EVL: variants seen among roughly 807,000 people sequenced by gnomAD.
EVL encodes the protein ena/VASP-like protein.
Under a neutral mutation model 59.6 loss-of-function variants are expected in EVL, and 21 were observed. That is an observed-to-expected ratio of 0.35 (90% CI 0.25 to 0.51). The LOEUF is 0.51. Among genes scored for constraint, EVL ranks in the 20% least tolerant of loss-of-function variants. The probability of loss-of-function intolerance (pLI) is 0.97; values close to 1 mark genes in which losing one functional copy is unlikely to be tolerated. For synonymous variants in EVL, 198 were observed against 203.5 expected (o/e 0.97, Z 0.23); for missense variants, 462 against 546.6 (o/e 0.85, Z 1.54).
chr14:100,118,536 C>T (rs1289856888), intron 3 of EVL, among the ~76,000 whole-genome samples: 1 of 152,200 alleles, frequency 6.6e-6, no homozygotes, highest in Non-Finnish European at 1.5e-5. Flanking sequence ...GAGTGACCGC[C>T]AAACGCCTGT....
chr14:100,132,090 G>C (rs1888471896), intron 7 of EVL, among the ~76,000 whole-genome samples: 1 of 152,044 alleles, frequency 6.6e-6, no homozygotes, highest in South Asian at 2.1e-4. Context: ...GAGGTCAGCA[G>C]ATACCACTGA....
chr14:100,110,880 G>T (rs368991187), intron 3 of EVL, among the ~76,000 whole-genome samples: 1 of 152,192 alleles, frequency 6.6e-6, no homozygotes, highest in Non-Finnish European at 1.5e-5. Context: ...GGCGCCATGT[G>T]CCCAGTCAGG....
At chr14:100,015,381 A>T (rs756758105) in intron 1 of EVL, among the ~76,000 whole-genome samples, 1 of 152,114 alleles carries the variant, frequency 6.6e-6, no homozygotes, top group South Asian at 2.1e-4. Context: ...TTTCCTGTTC[A>T]TGTTTGTGTT....
At chr14:99,993,241 G>C (rs183372900) in intron 1 of EVL, among the ~76,000 whole-genome samples, 2 of 151,870 alleles carry the variant, frequency 1.3e-5, no homozygotes, top group Admixed American at 1.3e-4. Context: ...TTTATTTTTA[G>C]TAGAGACAGG....
At chr14:100,131,542 GCTC>G (rs1393215905) in intron 7 of EVL, among the ~76,000 whole-genome samples, 1 of 152,222 alleles carries the variant, frequency 6.6e-6, no homozygotes, top group Non-Finnish European at 1.5e-5. Context: ...TGGACAGAAA[GCTC>G]CTGTTCAGCA....
chr14:100,046,501 T>TA (rs1196085874), intron 1 of EVL, among the ~76,000 whole-genome samples: 9 of 151,586 alleles, frequency 5.9e-5, no homozygotes, highest in Admixed American at 3.3e-4. Flanking sequence ...ACCCTCTCTC[T>TA]AAAAAAAATA....
chr14:100,043,309 G>A (rs930536188), intron 1 of EVL, among the ~76,000 whole-genome samples: 20 of 149,736 alleles, frequency 1.3e-4, no homozygotes, highest in Admixed American at 4.0e-4. Flanking sequence ...GTGTGTGTGT[G>A]TATATGTATA....
chr14:100,125,142 A>ACT (rs1413377481), intron 4 of EVL, among the ~76,000 whole-genome samples: 1 of 143,570 alleles, frequency 7.0e-6, no homozygotes, highest in African/African-American at 2.8e-5. Context: ...ACACACACAC[A>ACT]CACACACACC....
chr14:100,074,276 C>T (rs903799628), intron 1 of EVL, among the ~76,000 whole-genome samples: 26 of 152,306 alleles, frequency 1.7e-4, no homozygotes, highest in African/African-American at 6.3e-4. Context: ...GTGATAATGA[C>T]AGCTCTCCAT....
At chr14:99,984,117 CAG>C (rs2140172763) in intron 1 of EVL, among the ~76,000 whole-genome samples, 1 of 152,284 alleles carries the variant, frequency 6.6e-6, no homozygotes, top group South Asian at 2.1e-4. Flanking sequence ...CTTCTAAGGA[CAG>C]CATTTCAGGT....
chr14:100,020,914 G>A (rs1290079878), intron 1 of EVL, among the ~76,000 whole-genome samples: 2 of 152,216 alleles, frequency 1.3e-5, no homozygotes, highest in African/African-American at 4.8e-5. Flanking sequence ...AGTGTGCTCT[G>A]GTGACATGGG....
At chr14:100,081,985 G>T (rs1261331190) in intron 1 of EVL, among the ~76,000 whole-genome samples, 2 of 152,136 alleles carry the variant, frequency 1.3e-5, no homozygotes, top group South Asian at 2.1e-4. Context: ...TTAGCCAGGC[G>T]TGGTGGTATG....
At chr14:100,124,792 T>C (rs1887923489) in intron 4 of EVL, among the ~76,000 whole-genome samples, 1 of 152,142 alleles carries the variant, frequency 6.6e-6, no homozygotes, top group Non-Finnish European at 1.5e-5. Flanking sequence ...CAGTGCTGAA[T>C]TCTGTACCCC....
chr14:100,102,707 G>A (rs1178017467), intron 3 of EVL, among the ~76,000 whole-genome samples: 1 of 152,084 alleles, frequency 6.6e-6, no homozygotes, highest in African/African-American at 2.4e-5. Context: ...CTACCCACCC[G>A]TTCCTCTTCT....
chr14:99,980,367 T>C (rs1337565945), intron 1 of EVL, among the ~76,000 whole-genome samples: 1 of 152,196 alleles, frequency 6.6e-6, no homozygotes, highest in Non-Finnish European at 1.5e-5. Context: ...TGGTTGTGGC[T>C]GGTAATGCCT....
chr14:100,020,073 T>C (rs1439196821), intron 1 of EVL, among the ~76,000 whole-genome samples: 1 of 152,234 alleles, frequency 6.6e-6, no homozygotes, highest in Non-Finnish European at 1.5e-5. Context: ...CTGCTCTTTT[T>C]AAAAAATGCT....
intron 8 of EVL, among the ~76,000 whole-genome samples, chr14:100,133,752 A>G (rs922925646): frequency 1.3e-5 from 2 of 152,222 alleles, no homozygotes; most frequent in African/African-American, 4.8e-5. Context: ...AGCCTGGCCA[A>G]CATAGTGAAA....
chr14:100,105,584 G>A (rs1172791693), intron 3 of EVL, among the ~76,000 whole-genome samples: 1 of 151,674 alleles, frequency 6.6e-6, no homozygotes, highest in East Asian at 2.0e-4. Flanking sequence ...GTAACCAAGA[G>A]ACCTGGGTGC....
chr14:100,083,582 G>T (rs1015715525), intron 1 of EVL, among the ~76,000 whole-genome samples: 1 of 152,198 alleles, frequency 6.6e-6, no homozygotes, highest in African/African-American at 2.4e-5. Context: ...ACCGTGGCAG[G>T]AGTTTTAGTG....
Sources: allele counts gnomAD v4.1 joint callset (sites outside exome capture counted in the v4.1 genomes callset), GRCh38; gene constraint gnomAD v4.1.1; transcripts MANE v1.5; gene names NCBI Gene and HGNC (gene_info 2026-07-23, HGNC 2026-07-21).